LRMDA: variants seen among roughly 807,000 people sequenced by gnomAD.
LRMDA encodes leucine-rich melanocyte differentiation-associated protein.
LRMDA carries 18 observed loss-of-function variants against 29.8 expected under a neutral mutation model. The ratio of observed to expected loss-of-function variants is 0.60; its 90% CI spans 0.42 to 0.90. The LOEUF is 0.90. Ranked by LOEUF, LRMDA falls within the 40% of genes least tolerant of loss-of-function variation. The pLI is 0.00. For missense variants in LRMDA, 273 were observed against 273.9 expected (o/e 1.00, Z 0.02); for synonymous variants, 125 against 109.4 (o/e 1.14, Z -0.89).
Position 75,980,319 on chromosome 10 carries a change from G to A in LRMDA, c.132-55689G>A, listed in dbSNP as rs182661372. Among the ~76,000 whole-genome samples the A allele has an allele frequency of 6.1e-3, 922 of 152,258 alleles. 33 individuals carry two copies. Among genetic ancestry groups the A allele is most frequent in the Admixed American group, 0.055 (837 of 15,288 alleles). ...GCACACTGGTGAGTGATCAGTCAAG[G>A]GCCCTGCTCCCCCTTCTCCAGCACC... On this transcript the variant is annotated intron_variant, in intron 2 of 6. Transcript: ENST00000611255.
intron 2 of LRMDA, among the ~76,000 whole-genome samples, chr10:75,737,097 A>ACACG (rs1260658329): frequency 2.0e-5 from 3 of 151,894 alleles, no homozygotes; most frequent in Non-Finnish European, 4.4e-5. Context: ...ATGCACACAC[A>ACACG]CACATGCACA....
intron 6 of LRMDA, among the ~76,000 whole-genome samples, chr10:76,459,775 T>A (rs933905823): frequency 2.0e-5 from 3 of 152,194 alleles, no homozygotes; most frequent in African/African-American, 4.8e-5. Flanking sequence ...TTTGTTTTTT[T>A]AATTTTATTA....
At chr10:76,093,406 A>ACT (rs1338839822) in intron 5 of LRMDA, among the ~76,000 whole-genome samples, 1 of 150,592 alleles carries the variant, frequency 6.6e-6, no homozygotes, top group Non-Finnish European at 1.5e-5. Context: ...CCCACTGTGA[A>ACT]CTCTCCCTTC....
At chr10:75,698,526 G>T (rs1842266487) in intron 2 of LRMDA, among the ~76,000 whole-genome samples, 1 of 152,198 alleles carries the variant, frequency 6.6e-6, no homozygotes, top group Non-Finnish European at 1.5e-5. Context: ...TGGTGCAGGT[G>T]TCTAGCACAT....
chr10:76,046,744 A>C (rs1473923988), intron 3 of LRMDA, among the ~76,000 whole-genome samples: 1 of 152,212 alleles, frequency 6.6e-6, no homozygotes, highest in African/African-American at 2.4e-5. Context: ...AGGGCCTCCC[A>C]ACGTACTGGA....
Position 76,056,891 on chromosome 10 carries a change from C to T in LRMDA, c.399-1775C>T, listed in dbSNP as rs568262727. ...ACCAACTCAGGAGGGCATGGGGCTCCCACCTGTTCCTGGCTCCTGCCAGCT... is the reference window on the plus strand; with the variant it reads ...ACCAACTCAGGAGGGCATGGGGCTCTCACCTGTTCCTGGCTCCTGCCAGCT... On this transcript the variant is annotated intron_variant, in intron 4 of 6. Transcript: ENST00000611255. 1.0e-3 allele frequency among the ~76,000 whole-genome samples: 155 copies of T among 152,244 alleles called. 2 individuals carry two copies. The highest frequency in any genetic ancestry group is 5.8e-3 in the South Asian group (28 of 4,832).
intron 6 of LRMDA, among the ~76,000 whole-genome samples, chr10:76,407,920 A>G (rs1841919637): frequency 1.3e-5 from 2 of 152,216 alleles, no homozygotes; most frequent in Non-Finnish European, 2.9e-5. Flanking sequence ...AGATTATCAG[A>G]GCTGGACCTT....
intron 2 of LRMDA, among the ~76,000 whole-genome samples, chr10:75,938,701 C>T (rs1846338020): frequency 6.6e-6 from 1 of 152,142 alleles, no homozygotes; most frequent in Non-Finnish European, 1.5e-5. Context: ...TTCCTTGGAG[C>T]ACACTTTAAA....
At chr10:75,923,655 C>T (rs1846064899) in intron 2 of LRMDA, among the ~76,000 whole-genome samples, 1 of 152,100 alleles carries the variant, frequency 6.6e-6, no homozygotes, top group Non-Finnish European at 1.5e-5. Flanking sequence ...AGATCAATGC[C>T]ATTTTTTATG....
At chr10:75,726,210 A>T (rs145489722) in intron 2 of LRMDA, among the ~76,000 whole-genome samples, 19 of 152,366 alleles carry the variant, frequency 1.2e-4, no homozygotes, top group African/African-American at 3.8e-4. Context: ...ATGGAATGCC[A>T]TTACAGTGGG....
chr10:76,350,592 G>C (rs866945048), intron 6 of LRMDA, among the ~76,000 whole-genome samples: 34 of 152,126 alleles, frequency 2.2e-4, no homozygotes, highest in African/African-American at 7.5e-4. Context: ...AGGAGCTAAC[G>C]TTGCTGGTGT....
intron 2 of LRMDA, among the ~76,000 whole-genome samples, chr10:75,842,893 A>G (rs1221398087): frequency 6.6e-6 from 1 of 151,788 alleles, no homozygotes; most frequent in Non-Finnish European, 1.5e-5. Context: ...TGGTAGCATG[A>G]GCTTGTAGTC....
chr10:76,109,399 A>C (rs182421659), intron 5 of LRMDA, among the ~76,000 whole-genome samples: 1 of 152,230 alleles, frequency 6.6e-6, no homozygotes, highest in East Asian at 1.9e-4. Flanking sequence ...TAGCTACTCC[A>C]CCCATGTGAT....
intron 2 of LRMDA, among the ~76,000 whole-genome samples, chr10:75,888,807 A>G (rs890943821): frequency 4.6e-5 from 7 of 152,188 alleles, no homozygotes; most frequent in Non-Finnish European, 2.9e-5. Flanking sequence ...TCATTTTGGG[A>G]TGGCTAATAT....
chr10:76,354,965 C>G (rs1318611830), intron 6 of LRMDA, among the ~76,000 whole-genome samples: 1 of 152,176 alleles, frequency 6.6e-6, no homozygotes, highest in Non-Finnish European at 1.5e-5. Context: ...CTGCACTGCA[C>G]CAATTCTACC....
At chr10:75,872,209 T>C (rs1418051805) in intron 2 of LRMDA, among the ~76,000 whole-genome samples, 1 of 152,220 alleles carries the variant, frequency 6.6e-6, no homozygotes, top group Non-Finnish European at 1.5e-5. Flanking sequence ...CATGGTTCCT[T>C]AATAAATGTT....
intron 2 of LRMDA, among the ~76,000 whole-genome samples, chr10:75,795,733 C>T (rs12765053): frequency 0.41 from 61,952 of 151,930 alleles, 13,624 homozygotes; most frequent in South Asian, 0.54. Flanking sequence ...TCCATATAAA[C>T]TGAGGTCCTT....
chr10:76,283,348 C>T (rs1433747651), intron 5 of LRMDA, among the ~76,000 whole-genome samples: 2 of 152,062 alleles, frequency 1.3e-5, no homozygotes, highest in Non-Finnish European at 2.9e-5. Flanking sequence ...ACGAGTGGTG[C>T]ACCTGTTGTT....
intron 2 of LRMDA, among the ~76,000 whole-genome samples, chr10:75,845,220 TA>T (rs1444406049): frequency 2.0e-5 from 3 of 147,500 alleles, no homozygotes; most frequent in Non-Finnish European, 3.0e-5. Flanking sequence ...GTTTTTTTTT[TA>T]AATGCAATAT....
Sources: gnomAD v4.1 joint callset for allele counts (sites outside exome capture counted in the v4.1 genomes callset) on GRCh38, gnomAD v4.1.1 for gene constraint, MANE v1.5 for transcripts, NCBI Gene and HGNC (gene_info 2026-07-23, HGNC 2026-07-21) for gene names.